CHLSN: variants seen among roughly 807,000 people sequenced by gnomAD.
The protein encoded by CHLSN is cholesin, also known as protein cholesin.
the CHLSN span, among the ~76,000 whole-genome samples, chr7:983,790 G>T: frequency 6.6e-6 from 1 of 152,202 alleles, no homozygotes; most frequent in East Asian, 1.9e-4. Flanking sequence ...TCCCACTTTT[G>T]AGCCTCTGTT....
At chr7:1,055,516 G>A in the CHLSN span, 3 of 450,182 alleles carry the variant, frequency 6.7e-6, no homozygotes, top group South Asian at 3.1e-5. Flanking sequence ...GGTGGGAGAG[G>A]GGACGTGGGG....
the CHLSN span, among the ~76,000 whole-genome samples, chr7:1,089,368 G>C: frequency 6.6e-6 from 1 of 152,298 alleles, no homozygotes; most frequent in Admixed American, 6.5e-5. Context: ...CCACCCGCCT[G>C]TTTTTGAGAT....
At chr7:979,826 C>G in the CHLSN span, among the ~76,000 whole-genome samples, 6 of 152,128 alleles carry the variant, frequency 3.9e-5, no homozygotes, top group African/African-American at 1.4e-4. Flanking sequence ...GGGGGCGCGC[C>G]CAGTCACTGA....
the CHLSN span, among the ~76,000 whole-genome samples, chr7:987,695 C>G: frequency 6.6e-6 from 1 of 152,194 alleles, no homozygotes; most frequent in African/African-American, 2.4e-5. Context: ...GGGAGGCAGC[C>G]CTCTCACCCC....
the CHLSN span, chr7:1,045,802 T>G: frequency 2.0e-5 from 3 of 152,280 alleles, no homozygotes; most frequent in Admixed American, 1.3e-4. Context: ...AATACTGTTG[T>G]GCCTTTTCAC....
At chr7:1,062,857 A>G in the CHLSN span, among the ~76,000 whole-genome samples, 1 of 152,204 alleles carries the variant, frequency 6.6e-6, no homozygotes, top group Admixed American at 6.5e-5. Flanking sequence ...TAACGTGAAC[A>G]TGCCCATTTC....
the CHLSN span, among the ~76,000 whole-genome samples, chr7:1,002,064 C>G: frequency 8.9e-6 from 1 of 112,844 alleles, no homozygotes; most frequent in Non-Finnish European, 1.8e-5. Flanking sequence ...GGTGGGGAGT[C>G]CTGTGGGTGG....
the CHLSN span, among the ~76,000 whole-genome samples, chr7:1,101,117 G>A: frequency 6.6e-6 from 1 of 152,264 alleles, no homozygotes; most frequent in Non-Finnish European, 1.5e-5. Context: ...CGTGCGCCAC[G>A]AGGGCAGGCG....
chr7:1,036,873 G>A, the CHLSN span, among the ~76,000 whole-genome samples: 8 of 148,204 alleles, frequency 5.4e-5, 2 homozygotes, highest in Non-Finnish European at 9.1e-5. Context: ...ACTTTGGGAG[G>A]CTGAGGCAGG....
chr7:1,124,617 G>A, the CHLSN span, among the ~76,000 whole-genome samples: 1,801 of 149,808 alleles, frequency 0.012, 19 homozygotes, highest in Non-Finnish European at 0.019. Flanking sequence ...AATGCTAGAT[G>A]ACGAGTTAGT....
the CHLSN span, chr7:1,092,806 A>T: frequency 6.2e-7 from 1 of 1,613,534 alleles, no homozygotes; most frequent in Non-Finnish European, 8.5e-7. Context: ...GAAGGCCGTC[A>T]TTCCAGACAG....
At chr7:1,001,838 G>GT in the CHLSN span, among the ~76,000 whole-genome samples, 4 of 105,722 alleles carry the variant, frequency 3.8e-5, no homozygotes, top group African/African-American at 3.9e-5. Flanking sequence ...CCTGTGGGTG[G>GT]GGAGTCCTGT....
chr7:1,078,720 C>G, the CHLSN span, among the ~76,000 whole-genome samples: 1 of 152,260 alleles, frequency 6.6e-6, no homozygotes, highest in African/African-American at 2.4e-5. Context: ...TACAACCATG[C>G]AGAACTCATA....
At chr7:1,076,564 G>A in the CHLSN span, among the ~76,000 whole-genome samples, 2 of 152,272 alleles carry the variant, frequency 1.3e-5, no homozygotes, top group South Asian at 2.1e-4. Context: ...ACAGGCAAGC[G>A]TCATGCACAG....
chr7:1,091,687 G>C, the CHLSN span: 1 of 1,388,142 alleles, frequency 7.2e-7, no homozygotes, highest in South Asian at 1.4e-5. Context: ...CAGAGCTCTG[G>C]GAGCCTTTCG....
the CHLSN span, among the ~76,000 whole-genome samples, chr7:1,030,769 C>G: frequency 3.3e-5 from 5 of 151,212 alleles, no homozygotes; most frequent in East Asian, 1.9e-4. Context: ...CGCGGGGACT[C>G]TCTCTCTCTC....
At chr7:1,136,389 CAT>C in the CHLSN span, among the ~76,000 whole-genome samples, 33,639 of 97,104 alleles carry the variant, frequency 0.35, 7,342 homozygotes, top group African/African-American at 0.52. Context: ...AATATATAAA[CAT>C]ATATATAAAT....
chr7:1,075,560 G>A, the CHLSN span, among the ~76,000 whole-genome samples: 14 of 150,074 alleles, frequency 9.3e-5, no homozygotes, highest in South Asian at 2.1e-4. Context: ...AGAAACAACC[G>A]TTTTAGGGCT....
At chr7:1,055,223 G>C in the CHLSN span, 1 of 470,882 alleles carries the variant, frequency 2.1e-6, no homozygotes, top group South Asian at 1.5e-5. Context: ...CAGCAGGAGG[G>C]AGGGGCGGTG....
Sources: gnomAD v4.1 joint callset for allele counts (sites outside exome capture counted in the v4.1 genomes callset) on GRCh38, gnomAD v4.1.1 for gene constraint, MANE v1.5 for transcripts, NCBI Gene and HGNC (gene_info 2026-07-23, HGNC 2026-07-21) for gene names.